Variants in MARCO observed in about 807,000 individuals in gnomAD.
The protein encoded by MARCO is macrophage receptor MARCO.
A neutral mutation model predicts 70.0 loss-of-function variants in MARCO; 72 were observed. That is an observed-to-expected ratio of 1.03 (90% confidence interval 0.85 to 1.25). The LOEUF (loss-of-function observed/expected upper bound fraction) is 1.25, where lower values mean the gene tolerates loss of function less well. MARCO is among the 50% of genes most tolerant of loss of function. The pLI, the probability that MARCO is intolerant of heterozygous loss-of-function variation, is 0.00. For missense variants in MARCO, 696 were observed against 659.3 expected (o/e 1.06, Z -0.61); for synonymous variants, 273 against 243.1 (o/e 1.12, Z -1.14).
At chr2:118,989,453 C>G (rs928021040) in intron 12 of MARCO, among the ~76,000 whole-genome samples, 2 of 152,204 alleles carry the variant, frequency 1.3e-5, no homozygotes, top group Non-Finnish European at 2.9e-5. Flanking sequence ...GCTCCCAGCC[C>G]CTTAGCTCTC....
chr2:118,955,999 C>A (rs1250961926), intron 1 of MARCO, among the ~76,000 whole-genome samples: 6 of 152,250 alleles, frequency 3.9e-5, no homozygotes, highest in Non-Finnish European at 7.4e-5. Context: ...CCCAGAAATA[C>A]ATCAAAACAG....
intron 1 of MARCO, among the ~76,000 whole-genome samples, chr2:118,946,570 A>C (rs561605096): frequency 1.3e-5 from 2 of 152,290 alleles, no homozygotes; most frequent in African/African-American, 4.8e-5. Context: ...ACATTCACCC[A>C]CTGAAGGACA....
At chr2:118,958,803 A>T (rs1193503784) in intron 1 of MARCO, among the ~76,000 whole-genome samples, 1 of 152,218 alleles carries the variant, frequency 6.6e-6, no homozygotes, top group Non-Finnish European at 1.5e-5. Flanking sequence ...CAGTATAAAA[A>T]ATAGCACATA....
chr2:118,986,693 GAAAGAAAGAAAGAAAGAAAGAAAGAAA>G (rs1680514726), intron 12 of MARCO, among the ~76,000 whole-genome samples: 1 of 73,622 alleles, frequency 1.4e-5, no homozygotes, highest in Non-Finnish European at 2.6e-5. Context: ...AAGAAAGAAA[GAAAGAAAGAAAGAAAGAAAGAAAGAAA>G]GAAAAGAAAG....
chr2:118,969,021 G>A, intron 1 of MARCO, 139 bp from the exon 2 acceptor site: 1 of 657,224 alleles, frequency 1.5e-6, no homozygotes, highest in Non-Finnish European at 2.7e-6. Flanking sequence ...GATGATTTGG[G>A]AGTCATGAGC....
intron 1 of MARCO, among the ~76,000 whole-genome samples, chr2:118,948,308 C>T (rs1679643841): frequency 6.6e-6 from 1 of 152,222 alleles, no homozygotes; most frequent in Non-Finnish European, 1.5e-5. Flanking sequence ...CATCTATTGG[C>T]TGGAGCAGGA....
intron 1 of MARCO, among the ~76,000 whole-genome samples, chr2:118,946,368 G>A (rs1483938222): frequency 6.6e-6 from 1 of 151,916 alleles, no homozygotes; most frequent in Admixed American, 6.6e-5. Context: ...CCACTAATCT[G>A]CTTCCCATCT....
rs764650756 is a variant in MARCO, at chr2:118,970,115, T to C, written c.201T>C (p.Val67=). The change falls in exon 3 of 17, where the codon GTT becomes GTC. Residue 67 remains valine, a splice_region_variant and synonymous_variant. Transcript: ENST00000327097. ...AGAATGCTGTGGGGTGGGGCCCAGT[T>C]CTGAATCTGCAGGCGCGGCTCCGGG... is the stretch of plus-strand genomic sequence containing the variant. ...TAGAGLLVVQ[V]LNLQARLRVL... 2.0e-5 allele frequency: 33 copies of C among 1,613,654 alleles called. No individual in the cohort carries two copies. The highest frequency in any genetic ancestry group is 2.5e-5 in the Non-Finnish European group (30 of 1,179,844).
intron 12 of MARCO, among the ~76,000 whole-genome samples, chr2:118,987,825 T>C (rs1432009085): frequency 6.6e-6 from 1 of 152,228 alleles, no homozygotes; most frequent in Non-Finnish European, 1.5e-5. Context: ...TCTGATGTAT[T>C]CTCTAGTTTG....
At chr2:118,988,787 G>GCTAGCTGTGCA (rs1680562463) in intron 12 of MARCO, among the ~76,000 whole-genome samples, 2 of 152,166 alleles carry the variant, frequency 1.3e-5, no homozygotes. Context: ...TTTTCTGGGT[G>GCTAGCTGTGCA]CTAGCTGTGC....
chr2:118,971,423 C>A (rs1413745970), intron 3 of MARCO, 76 bp from the exon 4 acceptor site: 1 of 1,436,886 alleles, frequency 7.0e-7, no homozygotes, highest in Non-Finnish European at 9.8e-7. Flanking sequence ...CACTGCAGAA[C>A]CTGGGCACTC....
At chr2:118,982,292 T>A in intron 11 of MARCO, 38 bp downstream of exon 11, 1 of 1,611,906 alleles carries the variant, frequency 6.2e-7, no homozygotes, top group Non-Finnish European at 8.5e-7. Context: ...CAGGGAGTGA[T>A]GTGTGAAAAC....
chr2:118,990,176 C>T (rs1010877018), intron 12 of MARCO, among the ~76,000 whole-genome samples: 2 of 152,192 alleles, frequency 1.3e-5, no homozygotes, highest in Non-Finnish European at 2.9e-5. Context: ...ACCTCCAAAG[C>T]TCCTGGTGGC....
intron 8 of MARCO, among the ~76,000 whole-genome samples, chr2:118,979,256 C>T (rs1007462088): frequency 2.6e-5 from 4 of 152,126 alleles, no homozygotes; most frequent in African/African-American, 9.7e-5. Context: ...GACCAATGGA[C>T]TAAGGTTTCA....
intron 12 of MARCO, among the ~76,000 whole-genome samples, chr2:118,987,057 G>A (rs1254812198): frequency 6.6e-6 from 1 of 152,166 alleles, no homozygotes; most frequent in Non-Finnish European, 1.5e-5. Flanking sequence ...GAAGACTTTA[G>A]TCAGAACACC....
chr2:118,975,811 A>G (rs543865262), intron 6 of MARCO, among the ~76,000 whole-genome samples: 18 of 152,208 alleles, frequency 1.2e-4, no homozygotes, highest in Non-Finnish European at 2.5e-4. Flanking sequence ...CCCGTGTCTG[A>G]GCACACATCT....
At chr2:118,947,184 A>C (rs1169522518) in intron 1 of MARCO, among the ~76,000 whole-genome samples, 2 of 152,208 alleles carry the variant, frequency 1.3e-5, no homozygotes, top group African/African-American at 2.4e-5. Flanking sequence ...CCAACCTAAC[A>C]ATTTTTCCAT....
intron 15 of MARCO, 123 bp downstream of exon 15, chr2:118,992,599 A>G: frequency 1.2e-6 from 1 of 825,216 alleles, no homozygotes; most frequent in Non-Finnish European, 2.0e-6. Context: ...GGAGGAGTTG[A>G]GGGTCTAGTC....
rs574072870 is a variant in MARCO at position 118,951,482 on chromosome 2, C to T, written c.97+9085C>T. Among the ~76,000 whole-genome samples, 18 of 152,364 alleles carry T rather than the reference C, an allele frequency of 1.2e-4. No homozygotes were observed. The South Asian group carries it at 3.7e-3, about 32-fold the overall frequency. On this transcript the variant is annotated intron_variant, in intron 1 of 16. Coordinates refer to ENST00000327097, the MANE Select transcript of MARCO (RefSeq NM_006770.4). ...TAGTTCTGGCCTGATGAGGTGTGCT[C>T]ACAATGAGGTTTCCTCTAAAAGTTA...
Sources: allele counts gnomAD v4.1 joint callset (sites outside exome capture counted in the v4.1 genomes callset), GRCh38; gene constraint gnomAD v4.1.1; transcripts MANE v1.5; gene names NCBI Gene and HGNC (gene_info 2026-07-23, HGNC 2026-07-21).